The following PSMA1 variants were observed in gnomAD, a reference collection of about 807,000 sequenced individuals.
PSMA1 encodes proteasome subunit alpha type-1.
Under a neutral mutation model 38.4 loss-of-function variants are expected in PSMA1, and 3 were observed. That is an observed-to-expected ratio of 0.08 (90% CI 0.04 to 0.20). The LOEUF is 0.20. Ranked by LOEUF, PSMA1 falls within the 10% of genes least tolerant of loss-of-function variation. PSMA1 has a pLI of 1.00. For missense variants in PSMA1, 227 were observed against 325.3 expected (o/e 0.70, Z 2.32); for synonymous variants, 101 against 107.1 (o/e 0.94, Z 0.35).
At chr11:14,606,565 C>T (rs1353986228) in intron 2 of PSMA1, among the ~76,000 whole-genome samples, 3 of 152,156 alleles carry the variant, frequency 2.0e-5, no homozygotes, top group African/African-American at 4.8e-5. Flanking sequence ...AGGACCAAAC[C>T]TTATCAAAAC....
chr11:14,618,158 C>T (rs1297583847), intron 1 of PSMA1, among the ~76,000 whole-genome samples: 2 of 152,162 alleles, frequency 1.3e-5, no homozygotes, highest in Non-Finnish European at 2.9e-5. Flanking sequence ...ATTCTGCTGT[C>T]TGATAGCATG....
intron 2 of PSMA1, among the ~76,000 whole-genome samples, chr11:14,574,870 T>C (rs985591263): frequency 2.0e-5 from 3 of 152,188 alleles, no homozygotes; most frequent in African/African-American, 7.2e-5. Context: ...TACAGTAAAT[T>C]GGTACCACTA....
chr11:14,621,438 G>A (rs1350692781), intron 1 of PSMA1, among the ~76,000 whole-genome samples: 1 of 151,746 alleles, frequency 6.6e-6, no homozygotes, highest in Non-Finnish European at 1.5e-5. Context: ...TCAATGTTTT[G>A]TTTTGTTTTT....
At chr11:14,575,924 G>C (rs1852207937) in intron 2 of PSMA1, among the ~76,000 whole-genome samples, 1 of 152,182 alleles carries the variant, frequency 6.6e-6, no homozygotes, top group South Asian at 2.1e-4. Context: ...AGCACCTGTT[G>C]TTTCCTGACT....
intron 2 of PSMA1, among the ~76,000 whole-genome samples, chr11:14,538,572 GT>G (rs1381884046): frequency 1.3e-5 from 2 of 152,228 alleles, no homozygotes; most frequent in African/African-American, 2.4e-5. Flanking sequence ...GACTTCCCAT[GT>G]GAATTTGGTT....
chr11:14,562,495 T>A (rs1852021051), intron 2 of PSMA1, among the ~76,000 whole-genome samples: 1 of 152,238 alleles, frequency 6.6e-6, no homozygotes, highest in Non-Finnish European at 1.5e-5. Flanking sequence ...AACAGCTCCT[T>A]CAATTTCAAT....
At chr11:14,598,167 A>G (rs1465026780) in intron 2 of PSMA1, among the ~76,000 whole-genome samples, 1 of 152,154 alleles carries the variant, frequency 6.6e-6, no homozygotes, top group African/African-American at 2.4e-5. Context: ...CTTTACTTCC[A>G]AATATGTGGT....
chr11:14,605,583 C>T (rs1376222020), intron 2 of PSMA1, among the ~76,000 whole-genome samples: 1 of 152,056 alleles, frequency 6.6e-6, no homozygotes, highest in Non-Finnish European at 1.5e-5. Flanking sequence ...GACGGGGTCT[C>T]ACTATGTTGC....
chr11:14,619,143 A>G (rs1405342636), intron 1 of PSMA1, among the ~76,000 whole-genome samples: 2 of 152,202 alleles, frequency 1.3e-5, no homozygotes, highest in Non-Finnish European at 2.9e-5. Context: ...CAACAAAAAT[A>G]TGATTTAAAA....
At chr11:14,542,464 C>T (rs2134164964) in intron 2 of PSMA1, among the ~76,000 whole-genome samples, 1 of 152,340 alleles carries the variant, frequency 6.6e-6, no homozygotes, top group South Asian at 2.1e-4. Context: ...AGGCAATTGA[C>T]TGCTTTTCAA....
chr11:14,637,775 C>A (rs1853128266), intron 1 of PSMA1, among the ~76,000 whole-genome samples: 1 of 152,102 alleles, frequency 6.6e-6, no homozygotes, highest in Admixed American at 6.5e-5. Context: ...ATTAACATCC[C>A]TGTAGCATTT....
chr11:14,511,434 C>A (rs908374108), intron 7 of PSMA1, among the ~76,000 whole-genome samples: 6 of 151,884 alleles, frequency 4.0e-5, no homozygotes, highest in Non-Finnish European at 8.8e-5. Context: ...ACAAACGGAA[C>A]CTGGCAACAC....
intron 2 of PSMA1, among the ~76,000 whole-genome samples, chr11:14,600,319 G>A (rs1023387149): frequency 7.9e-5 from 12 of 152,328 alleles, no homozygotes; most frequent in South Asian, 2.1e-4. Context: ...GAAGTTGTCC[G>A]TTGCCTTATG....
rs559771651 is a variant in PSMA1 at position 14,518,478 on chromosome 11, G to C, written c.49-497C>G. The stretch of plus-strand genomic sequence containing the variant: ...TGTTATAAGATACACATATATAGTA[G>C]GGTCACTATCGCAGAATGAACACAT... On this transcript the variant is annotated intron_variant, in intron 2 of 9. Transcript: ENST00000396394. Among the ~76,000 whole-genome samples, 4 of 152,202 alleles carry C rather than the reference G, an allele frequency of 2.6e-5. No individual in the cohort carries two copies. The South Asian group carries it at 8.3e-4, about 32-fold the overall frequency.
chr11:14,511,560 A>G (rs528963722), intron 7 of PSMA1, among the ~76,000 whole-genome samples: 2 of 152,324 alleles, frequency 1.3e-5, no homozygotes, highest in African/African-American at 4.8e-5. Context: ...AAACCTGCAT[A>G]ACCACCCCAA....
At chr11:14,509,708 C>T (rs1015446067) in intron 8 of PSMA1, among the ~76,000 whole-genome samples, 9 of 141,100 alleles carry the variant, frequency 6.4e-5, no homozygotes, top group African/African-American at 8.1e-5. Flanking sequence ...GCCCACAAAC[C>T]GGTTGTTTTT....
chr11:14,616,928 T>C (rs1216477701), intron 1 of PSMA1, among the ~76,000 whole-genome samples: 1 of 152,314 alleles, frequency 6.6e-6, no homozygotes. Flanking sequence ...AAACTGATGG[T>C]GGAGAATGTC....
chr11:14,626,408 C>G (rs561677334), intron 1 of PSMA1, among the ~76,000 whole-genome samples: 78 of 152,290 alleles, frequency 5.1e-4, no homozygotes, highest in African/African-American at 1.9e-3. Context: ...TTTGGCACAT[C>G]TCTTAAATTC....
At chr11:14,535,829 T>C in intron 2 of PSMA1, among the ~76,000 whole-genome samples, 1 of 152,150 alleles carries the variant, frequency 6.6e-6, no homozygotes, top group Non-Finnish European at 1.5e-5. Flanking sequence ...GGTCTTTAAA[T>C]TGGAGAATTA....
Sources: gnomAD v4.1 joint callset for allele counts (sites outside exome capture counted in the v4.1 genomes callset) on GRCh38, gnomAD v4.1.1 for gene constraint, MANE v1.5 for transcripts, NCBI Gene and HGNC (gene_info 2026-07-23, HGNC 2026-07-21) for gene names.